The following HOOK2 variants were observed in gnomAD, a reference collection of about 807,000 sequenced individuals.
The protein encoded by HOOK2 is protein Hook homolog 2.
Under a neutral mutation model 111.9 loss-of-function variants are expected in HOOK2, and 108 were observed. The ratio of observed to expected loss-of-function variants is 0.96; its 90% CI spans 0.83 to 1.13. The LOEUF (loss-of-function observed/expected upper bound fraction) is 1.13. Among genes scored for constraint, HOOK2 ranks in the 50% most tolerant of loss-of-function variants. HOOK2 has a pLI of 0.00. For synonymous variants in HOOK2, 405 were observed against 394.3 expected, an observed-to-expected ratio of 1.03 and a Z score of -0.32; for missense variants, 978 against 951.3, an observed-to-expected ratio of 1.03 and a Z score of -0.37.
At chr19:12,772,728 G>T in intron 5 of HOOK2, 48 bp from the exon 6 acceptor site, 2 of 1,612,280 alleles carry the variant, frequency 1.2e-6, no homozygotes, top group Non-Finnish European at 1.7e-6. Flanking sequence ...GAGGTGGGGA[G>T]GAAGGAGGAT....
At chr19:12,781,608 A>G (rs62108401), upstream of HOOK2, among the ~76,000 whole-genome samples, 5,014 of 152,106 alleles carry the variant, frequency 0.033, 106 homozygotes, top group Middle Eastern at 0.052. Context: ...TTACAGGCGT[A>G]AGCCATCGCG....
In HOOK2 at chr19:12,789,467, T is replaced by C. The variant is rs377349983; in HGVS notation, n.42-15242A>G. ...GGAGGGGGGCTCCCTCTAGGTATTC[T>C]GGATGATAGTAGGATGGGACCTGCA... On this transcript the variant is annotated intron_variant and non_coding_transcript_variant, in intron 3 of 3. Coordinates refer to the HOOK2 transcript ENST00000589765. Among the ~76,000 whole-genome samples the C allele has an allele frequency of 1.5e-3, 230 of 152,244 alleles. 6 individuals carry two copies. The South Asian group carries it at 0.047, about 31-fold the overall frequency.
At position 12,767,801 on chromosome 19, in the gene HOOK2, G is replaced by A. The variant is rs771067550; in HGVS notation, c.1303+15C>T. 5.0e-5 allele frequency: 80 copies of A among 1,598,530 alleles called. No individual in the cohort carries two copies. The highest frequency in any genetic ancestry group is 6.4e-5 in the Non-Finnish European group (75 of 1,178,620). On this transcript the variant is annotated intron_variant, in intron 13 of 22. Coordinates refer to ENST00000397668, the MANE Select transcript of HOOK2 (RefSeq NM_013312.3). ...ACCAGGACAGGTAAGACCCCGGGATGGGGCTTCATCTCACCGGCCTGGGTC... is the reference window on the plus strand; with the variant it reads ...ACCAGGACAGGTAAGACCCCGGGATAGGGCTTCATCTCACCGGCCTGGGTC...
In HOOK2 at chr19:12,790,589, A is replaced by T. The variant is rs1482950328; in HGVS notation, n.42-16364T>A. Among the ~76,000 whole-genome samples, 2 of 152,120 alleles carry T rather than the reference A, an allele frequency of 1.3e-5. No homozygotes were observed. The highest frequency in any genetic ancestry group is 6.5e-5 in the Admixed American group (1 of 15,272). On this transcript the variant is annotated intron_variant and non_coding_transcript_variant, in intron 3 of 3. Transcript: ENST00000589765. This position sits in a 1 kb window ranked among gnomAD's most constrained non-coding sequence, Gnocchi z 7.2. ...GCGGGACCCTCAAGGCCCCCTCCTC[A>T]CATGTCAACTGAGTACCCTCTTATT...
chr19:12,778,866 G>T (rs1380471053), upstream of HOOK2, among the ~76,000 whole-genome samples: 1 of 152,172 alleles, frequency 6.6e-6, no homozygotes, highest in African/African-American at 2.4e-5. Flanking sequence ...GCGGCGGCAG[G>T]GAGTCCCACA....
At chr19:12,792,277 C>T (rs1406106205) in intron 3 of HOOK2, 1 of 1,495,858 alleles carries the variant, frequency 6.7e-7, no homozygotes, top group Non-Finnish European at 8.9e-7. Flanking sequence ...CCGGCTGGGC[C>T]CGGGGGCGTC....
upstream of HOOK2, among the ~76,000 whole-genome samples, chr19:12,783,452 C>T (rs1968627398): frequency 1.3e-5 from 2 of 148,580 alleles, no homozygotes; most frequent in African/African-American, 4.9e-5. Context: ...AAGCCGTTTT[C>T]TTATTCATTT....
Position 12,768,097 on chromosome 19 carries a change from C to G in HOOK2, c.1131G>C (p.Gln377His). The change falls in exon 12 of 23, where the codon CAG becomes CAC. Residue 377 changes from glutamine (Q) to histidine (H), a missense_variant. Around this residue, in one of 5 missense-constraint regions of HOOK2, gnomAD observed 388 missense variants for 358.3 expected, o/e 1.08. Transcript: ENST00000397668. The part of the protein sequence containing the change: ...RQVQELQGQR[Q>H]EEAMKAEKWL... ...ATTTCTCGGCCTTCATGGCCTCCTCCTGCCGCTGGCCCTGCAGTTCCTGCA... is the reference window on the plus strand; with the variant it reads ...ATTTCTCGGCCTTCATGGCCTCCTCGTGCCGCTGGCCCTGCAGTTCCTGCA... 6.2e-7 allele frequency: 1 copy of G among 1,614,244 alleles called. No homozygotes were observed. Among genetic ancestry groups the G allele is most frequent in the Non-Finnish European group, 8.5e-7 (1 of 1,180,046 alleles).
At chr19:12,765,888 A>G (rs1345946903) in intron 16 of HOOK2, 39 bp downstream of exon 16, 1 of 1,612,600 alleles carries the variant, frequency 6.2e-7, no homozygotes. Context: ...TTCGGGGCAC[A>G]AGGGAGGGCC....
chr19:12,770,022 CA>C lies in HOOK2; in HGVS notation c.962del (p.Leu321TrpfsTer4). 6.5e-7 allele frequency: 1 copy of C among 1,540,922 alleles called. No individual in the cohort carries two copies. ...GCCGCCGCAGCTCCCTCAGCTCGCCCAAGCGGCGCCGGCAACTGGTCAGCGT... is the reference window on the plus strand; with the variant it reads ...GCCGCCGCAGCTCCCTCAGCTCGCCCAGCGGCGCCGGCAACTGGTCAGCGT... ...EATLTSCRRR[L>X]GELRELRRQV... On this transcript the variant is annotated frameshift_variant, in exon 11 of 23. Transcript: ENST00000397668. LOFTEE classifies it high-confidence loss of function.
chr19:12,763,153 G>A lies in HOOK2; in HGVS notation c.*129C>T. The A allele has an allele frequency of 2.2e-6, 2 of 905,658 alleles. No homozygotes were observed. The highest frequency in any genetic ancestry group is 2.6e-5 in the Admixed American group (1 of 38,532). The allele number at this position is 905,658 out of a possible 1,614,324, so 56.1% of individuals were successfully genotyped here. A position where few individuals can be genotyped will look rare whatever the true frequency, so the allele number is the denominator to read the frequency against. ...CCCGCCCTCCCTCCCCACCAATCTG[G>A]GAGAGGGAAGAGCAGAGATCATGGC... On this transcript the variant is annotated 3_prime_UTR_variant, in exon 23 of 23. Transcript: ENST00000397668.
chr19:12,787,827 C>A (rs1361064199), intron 3 of HOOK2, among the ~76,000 whole-genome samples: 2 of 151,882 alleles, frequency 1.3e-5, no homozygotes, highest in Non-Finnish European at 2.9e-5. Context: ...GAGACTCAGG[C>A]GGGCTGATCA....
upstream of HOOK2, among the ~76,000 whole-genome samples, chr19:12,776,673 CAA>C (rs59092661): frequency 4.2e-5 from 4 of 95,770 alleles, no homozygotes; most frequent in Admixed American, 1.2e-4. Flanking sequence ...CAAGACTCCT[CAA>C]AAAAAAAAAA....
In HOOK2 at chr19:12,769,948, C is replaced by T. The variant is rs763485130; in HGVS notation, c.1037G>A (p.Arg346Gln). Residue 346 changes from arginine to glutamine, a missense_variant, in exon 11 of 23, where the codon CGA becomes CAA. Physicochemically the swap from Arg to Gln is conservative, Grantham distance 43 (BLOSUM62 1). This residue lies in a region of HOOK2 where 388 missense variants were observed against 358.3 expected (regional missense o/e 1.08). Coordinates refer to ENST00000397668, the MANE Select transcript of HOOK2 (RefSeq NM_013312.3). ...ERNAGHAERTRQLEDELRRAG... is the reference protein window; with the variant it reads ...ERNAGHAERTQQLEDELRRAG... Reference sequence around the variant, plus strand: ...TCGGCGTAGCTCATCCTCCAGTTGTCGCGTGCGCTCGGCGTGGCCGGCGTT... The same window carrying T: ...TCGGCGTAGCTCATCCTCCAGTTGTTGCGTGCGCTCGGCGTGGCCGGCGTT... 1.9e-6 allele frequency: 3 copies of T among 1,557,360 alleles called. No homozygotes were observed. Among genetic ancestry groups the T allele is most frequent in the African/African-American group, 1.4e-5 (1 of 73,316 alleles).
rs773397459 is a variant in HOOK2 at position 12,771,189 on chromosome 19, TG to T, written c.730del (p.Gln244SerfsTer40). 5 of 1,613,378 alleles carry T rather than the reference TG, an allele frequency of 3.1e-6. No individual in the cohort carries two copies. The highest frequency in any genetic ancestry group is 4.2e-6 in the Non-Finnish European group (5 of 1,179,726). ...GTTCTCCTCCTGCAACTGCTCCAGC[TG>T]GGATTGCAGCAGCAGCAGCTTCTTG... ...TAKKLLLLQSQLEQLQEENFR... is the reference protein window; with the variant it reads ...TAKKLLLLQSXLEQLQEENFR... On this transcript the variant is annotated frameshift_variant, in exon 9 of 23. Transcript: ENST00000397668. LOFTEE classifies it high-confidence loss of function.
Position 12,789,580 on chromosome 19 carries a change from G to A in HOOK2, n.42-15355C>T, listed in dbSNP as rs986672995. On this transcript the variant is annotated intron_variant and non_coding_transcript_variant, in intron 3 of 3. Coordinates refer to the HOOK2 transcript ENST00000589765. ...TCCAGATCTCCTGGCAGAAGGGAAG[G>A]GCACCCCACCCGAGGGAGGAGGCAG... 2.6e-5 allele frequency among the ~76,000 whole-genome samples: 4 copies of A among 152,134 alleles called. No individual in the cohort carries two copies. The East Asian group carries it at 5.8e-4, about 22-fold the overall frequency.
At chr19:12,775,000 C>G (rs1418755467) in intron 1 of HOOK2, 103 bp from the exon 2 acceptor site, 23 of 1,226,822 alleles carry the variant, frequency 1.9e-5, no homozygotes, top group Non-Finnish European at 2.6e-5. Flanking sequence ...CATGGTGGGG[C>G]GGGCGCTGCT....
At position 12,774,878 on chromosome 19, in the gene HOOK2, G is replaced by A. The variant is rs1249680411; in HGVS notation, c.65C>T (p.Pro22Leu). Residue 22 changes from proline to leucine, a missense_variant, in exon 2 of 23, where the codon CCG becomes CTG. Pro to Leu is a moderately conservative substitution (Grantham distance 98). Coordinates refer to ENST00000397668, the MANE Select transcript of HOOK2 (RefSeq NM_013312.3). ...GTCCTGAGGGCTGGCACAGGGAGAC[G>A]GAACGTGGAACGTCTGTAACTGAGG... ...LLTWLQTFHV[P>L]SPCASPQDLS... 6 of 1,613,982 alleles carry A rather than the reference G, an allele frequency of 3.7e-6. No homozygotes were observed. The highest frequency in any genetic ancestry group is 2.7e-5 in the African/African-American group (2 of 75,046).
At chr19:12,769,124 C>G (rs890811813) in intron 11 of HOOK2, among the ~76,000 whole-genome samples, 4 of 152,058 alleles carry the variant, frequency 2.6e-5, no homozygotes, top group African/African-American at 9.7e-5. Flanking sequence ...CACCACCACG[C>G]CCGGCTAATT....
Sources: allele counts gnomAD v4.1 joint callset (sites outside exome capture counted in the v4.1 genomes callset), GRCh38; gene constraint gnomAD v4.1.1; regional missense constraint gnomAD v4.1.1; non-coding constraint Gnocchi (gnomAD v3.1); transcripts MANE v1.5; gene names NCBI Gene and HGNC (gene_info 2026-07-23, HGNC 2026-07-21).